Variants in PTPRK observed in about 807,000 individuals in gnomAD.
The protein encoded by PTPRK is receptor-type tyrosine-protein phosphatase kappa.
A neutral mutation model predicts 178.0 loss-of-function variants in PTPRK; 75 were observed. That is an observed-to-expected ratio of 0.42 (90% CI 0.35 to 0.51). The LOEUF is 0.51. Ranked by LOEUF, PTPRK falls within the 20% of genes least tolerant of loss-of-function variation. The probability of loss-of-function intolerance (pLI) is 0.02; values close to 1 mark genes in which losing one functional copy is unlikely to be tolerated. For missense variants in PTPRK, 1,441 were observed against 1,797.8 expected (o/e 0.80, Z 3.59); for synonymous variants, 637 against 620.6 (o/e 1.03, Z -0.39).
At chr6:128,219,145 A>G (rs1348936160) in intron 5 of PTPRK, 49 bp from the exon 6 acceptor site, 1 of 1,502,856 alleles carries the variant, frequency 6.7e-7, no homozygotes, top group Non-Finnish European at 9.1e-7. Flanking sequence ...TATTTTCATA[A>G]ATCTATAAAG....
intron 1 of PTPRK, among the ~76,000 whole-genome samples, chr6:128,509,293 A>G (rs1562667343): frequency 6.6e-6 from 1 of 152,310 alleles, no homozygotes; most frequent in Non-Finnish European, 1.5e-5. Flanking sequence ...GTTTATTTAT[A>G]CATACATAGG....
chr6:128,316,765 T>C (rs557088737), intron 3 of PTPRK, among the ~76,000 whole-genome samples: 1 of 149,902 alleles, frequency 6.7e-6, no homozygotes, highest in Non-Finnish European at 1.5e-5. Flanking sequence ...TCGCCCAGGC[T>C]GGAGTGCAGT....
chr6:128,409,492 T>C (rs1842055356), intron 1 of PTPRK, among the ~76,000 whole-genome samples: 1 of 152,238 alleles, frequency 6.6e-6, no homozygotes, highest in Admixed American at 6.5e-5. Context: ...ACTATGACTG[T>C]GACTACCTAG....
At chr6:128,154,485 C>A (rs145419322) in intron 7 of PTPRK, among the ~76,000 whole-genome samples, 3 of 151,584 alleles carry the variant, frequency 2.0e-5, no homozygotes, top group African/African-American at 7.3e-5. Context: ...ATAAAAATTT[C>A]TTCTTTAATA....
intron 1 of PTPRK, among the ~76,000 whole-genome samples, chr6:128,449,501 C>T (rs112170374): frequency 3.3e-5 from 5 of 152,032 alleles, no homozygotes; most frequent in African/African-American, 4.8e-5. Context: ...TTCTCCAAAA[C>T]GGAAACCTGG....
intron 5 of PTPRK, among the ~76,000 whole-genome samples, chr6:128,232,911 T>A (rs1465300393): frequency 6.6e-6 from 1 of 152,242 alleles, no homozygotes; most frequent in Non-Finnish European, 1.5e-5. Context: ...TTTTTCTTTA[T>A]GCATGTTACC....
chr6:127,993,561 T>C (rs1776833256), intron 18 of PTPRK, among the ~76,000 whole-genome samples: 1 of 151,676 alleles, frequency 6.6e-6, no homozygotes, highest in Non-Finnish European at 1.5e-5. Flanking sequence ...TGTGGGCAAC[T>C]CAATACACAT....
At chr6:128,240,612 CAGTTAGAT>C (rs2128283541) in intron 4 of PTPRK, among the ~76,000 whole-genome samples, 1 of 152,204 alleles carries the variant, frequency 6.6e-6, no homozygotes, top group South Asian at 2.1e-4. Context: ...ACATTTTAAG[CAGTTAGAT>C]CTTTTTTTAA....
chr6:128,489,698 A>C (rs956949643), intron 1 of PTPRK, among the ~76,000 whole-genome samples: 7 of 152,354 alleles, frequency 4.6e-5, no homozygotes, highest in Admixed American at 4.6e-4. Context: ...TTACCTCATT[A>C]AAAGGAGGAT....
At chr6:128,083,445 GATA>G (rs1419665057) in intron 9 of PTPRK, among the ~76,000 whole-genome samples, 2 of 151,900 alleles carry the variant, frequency 1.3e-5, no homozygotes, top group African/African-American at 2.4e-5. Flanking sequence ...TCGTAAATCT[GATA>G]ATGACTATCC....
intron 7 of PTPRK, among the ~76,000 whole-genome samples, chr6:128,182,327 G>A (rs1473902819): frequency 1.3e-5 from 2 of 152,140 alleles, no homozygotes; most frequent in Admixed American, 6.6e-5. Flanking sequence ...TGTAATTCAA[G>A]CACTTTGGTA....
chr6:128,093,104 T>A (rs1418041899), intron 7 of PTPRK, among the ~76,000 whole-genome samples: 1 of 152,246 alleles, frequency 6.6e-6, no homozygotes, highest in Non-Finnish European at 1.5e-5. Flanking sequence ...GAATTCATTA[T>A]CTGTCAATCG....
At chr6:128,318,824 G>C (rs1828391673) in intron 3 of PTPRK, among the ~76,000 whole-genome samples, 1 of 152,156 alleles carries the variant, frequency 6.6e-6, no homozygotes, top group Admixed American at 6.5e-5. Context: ...ATATGGAGAT[G>C]ACACCTAAGG....
chr6:127,984,296 C>T (rs1280329447), intron 22 of PTPRK, among the ~76,000 whole-genome samples: 1 of 152,190 alleles, frequency 6.6e-6, no homozygotes, highest in African/African-American at 2.4e-5. Context: ...TTACCAGACT[C>T]ATCCTACAGT....
chr6:128,039,384 T>C (rs1409449532), intron 13 of PTPRK, among the ~76,000 whole-genome samples: 2 of 152,136 alleles, frequency 1.3e-5, no homozygotes, highest in Non-Finnish European at 2.9e-5. Flanking sequence ...GAAATACAGA[T>C]AGGGTCTATG....
chr6:128,348,177 ATACT>A (rs908041032), intron 2 of PTPRK, among the ~76,000 whole-genome samples: 13 of 152,190 alleles, frequency 8.5e-5, no homozygotes, highest in African/African-American at 3.1e-4. Flanking sequence ...TTCCAAGTAC[ATACT>A]TATTTATATA....
At chr6:128,298,897 G>C (rs1001913879) in intron 3 of PTPRK, among the ~76,000 whole-genome samples, 5 of 152,072 alleles carry the variant, frequency 3.3e-5, no homozygotes, top group African/African-American at 7.2e-5. Context: ...AGGAAATAAA[G>C]GGTATTCAAT....
chr6:128,434,055 C>T (rs1033095966), intron 1 of PTPRK, among the ~76,000 whole-genome samples: 5 of 151,576 alleles, frequency 3.3e-5, no homozygotes, highest in African/African-American at 9.7e-5. Context: ...CATTAGGCAA[C>T]GGTGGCTGAC....
At chr6:128,130,753 G>T (rs562258689) in intron 7 of PTPRK, among the ~76,000 whole-genome samples, 1 of 152,078 alleles carries the variant, frequency 6.6e-6, no homozygotes, top group African/African-American at 2.4e-5. Flanking sequence ...AATGGTTTTG[G>T]CATAGAAACG....
Sources: gnomAD v4.1 joint callset for allele counts (sites outside exome capture counted in the v4.1 genomes callset) on GRCh38, gnomAD v4.1.1 for gene constraint, MANE v1.5 for transcripts, NCBI Gene and HGNC (gene_info 2026-07-23, HGNC 2026-07-21) for gene names.